The following EIPR1 variants were observed in gnomAD, a reference collection of about 807,000 sequenced individuals.
EIPR1 encodes the protein EARP and GARP complex-interacting protein 1.
EIPR1 carries 25 observed loss-of-function variants against 48.1 expected under a neutral mutation model. The ratio of observed to expected loss-of-function variants is 0.52; its 90% CI spans 0.38 to 0.73. The LOEUF is 0.73. Among genes scored for constraint, EIPR1 ranks in the 30% least tolerant of loss-of-function variants. The pLI is 0.00. For missense variants in EIPR1, 415 were observed against 506.2 expected, an observed-to-expected ratio of 0.82 and a Z score of 1.73; for synonymous variants, 204 against 201.9, an observed-to-expected ratio of 1.01 and a Z score of -0.09.
intron 4 of EIPR1, among the ~76,000 whole-genome samples, chr2:3,242,616 G>C (rs905967681): frequency 6.6e-6 from 1 of 152,232 alleles, no homozygotes; most frequent in African/African-American, 2.4e-5. Flanking sequence ...TTCAGATGGC[G>C]TGGAAGCTTG....
At chr2:3,262,705 G>A (rs1441273202) in intron 3 of EIPR1, among the ~76,000 whole-genome samples, 1 of 152,176 alleles carries the variant, frequency 6.6e-6, no homozygotes, top group Non-Finnish European at 1.5e-5. Flanking sequence ...TGGTCCCGGG[G>A]TTCTGGAGCA....
chr2:3,294,927 CAT>C (rs1668497330), intron 3 of EIPR1, among the ~76,000 whole-genome samples: 1 of 115,842 alleles, frequency 8.6e-6, no homozygotes, highest in Non-Finnish European at 1.8e-5. Flanking sequence ...ACACACCCGC[CAT>C]CCAGCCCATC....
At chr2:3,264,540 G>A (rs1667429559) in intron 3 of EIPR1, among the ~76,000 whole-genome samples, 1 of 152,200 alleles carries the variant, frequency 6.6e-6, no homozygotes, top group African/African-American at 2.4e-5. Context: ...GGGGCCAGAG[G>A]AGGCTTCCTC....
At position 3,208,859 on chromosome 2, in the gene EIPR1, C is replaced by T. The variant is rs183879135; in HGVS notation, c.516+5290G>A. ...GGTGTCTGGGGCCATCCCTGTTCCC[C>T]GACTCCAGTGTTCCTCTTCCCCACA... is the stretch of plus-strand genomic sequence containing the variant. On this transcript the variant is annotated intron_variant, in intron 5 of 8. Coordinates refer to ENST00000382125, the MANE Select transcript of EIPR1 (RefSeq NM_003310.5). The T allele has an allele frequency of 1.9e-3, 2,935 of 1,549,946 alleles. 1 individual carries two copies. Among genetic ancestry groups the T allele is most frequent in the Non-Finnish European group, 2.4e-3 (2,696 of 1,146,808 alleles).
At chr2:3,245,674 C>A (rs1666774008) in intron 4 of EIPR1, among the ~76,000 whole-genome samples, 1 of 152,232 alleles carries the variant, frequency 6.6e-6, no homozygotes, top group Non-Finnish European at 1.5e-5. Flanking sequence ...GCTCAGGAGC[C>A]AGTAACCAGG....
chr2:3,331,177 G>A lies in EIPR1; in HGVS notation c.259+6840C>T, dbSNP rs1402199040. On this transcript the variant is annotated intron_variant, in intron 3 of 8. Transcript: ENST00000382125. ...CATGAGATGGTGTGAGCAGAGGCAGGTGTACACTCATATGGTGTGAGCAGA... is the reference window on the plus strand; with the variant it reads ...CATGAGATGGTGTGAGCAGAGGCAGATGTACACTCATATGGTGTGAGCAGA... Among the ~76,000 whole-genome samples the A allele has an allele frequency of 5.1e-5, 6 of 117,564 alleles. 1 individual carries two copies. The highest frequency in any genetic ancestry group is 8.9e-5 in the Non-Finnish European group (5 of 56,336). 77.1% of individuals were successfully genotyped at this position (117,564 alleles called of 152,430 possible).
chr2:3,248,845 C>G (rs1442760924), intron 4 of EIPR1, among the ~76,000 whole-genome samples: 2 of 152,156 alleles, frequency 1.3e-5, no homozygotes, highest in Non-Finnish European at 2.9e-5. Context: ...CTATTCTCAC[C>G]ATGTGATGCA....
intron 3 of EIPR1, among the ~76,000 whole-genome samples, chr2:3,279,575 G>T (rs1667957871): frequency 6.6e-6 from 1 of 152,200 alleles, no homozygotes; most frequent in South Asian, 2.1e-4. Flanking sequence ...CTCTTCTGGG[G>T]ATTTTTAAAA....
chr2:3,318,984 T>C (rs753129408), intron 3 of EIPR1: 3 of 470,508 alleles, frequency 6.4e-6, no homozygotes, highest in African/African-American at 2.0e-5. Flanking sequence ...GGAATTCAGA[T>C]ACTTGGAACT....
At chr2:3,217,784 T>C (rs182428962) in intron 4 of EIPR1, among the ~76,000 whole-genome samples, 157 of 152,228 alleles carry the variant, frequency 1.0e-3, no homozygotes, top group African/African-American at 3.6e-3. Flanking sequence ...ACCAGTCTGA[T>C]ATACCACTTC....
At chr2:3,246,909 G>GAGGGAAGGATGA (rs1666830865) in intron 4 of EIPR1, among the ~76,000 whole-genome samples, 1 of 92,512 alleles carries the variant, frequency 1.1e-5, no homozygotes, top group African/African-American at 4.4e-5. Flanking sequence ...AGGAGGGAGA[G>GAGGGAAGGATGA]AGGGAGGGAG....
chr2:3,334,253 G>A lies in EIPR1; in HGVS notation c.259+3764C>T, dbSNP rs116471710. Reference sequence around the variant, plus strand: ...GACAAAGAGGATAAATTGCAACTCTGATCTTTACAAAGAGATTTGTTATAA... The same window carrying A: ...GACAAAGAGGATAAATTGCAACTCTAATCTTTACAAAGAGATTTGTTATAA... On this transcript the variant is annotated intron_variant, in intron 3 of 8. Coordinates refer to ENST00000382125, the MANE Select transcript of EIPR1 (RefSeq NM_003310.5). Among the ~76,000 whole-genome samples the A allele has an allele frequency of 7.3e-3, 1,105 of 152,332 alleles. 13 individuals carry two copies. Among genetic ancestry groups the A allele is most frequent in the African/African-American group, 0.026 (1,064 of 41,566 alleles).
intron 3 of EIPR1, among the ~76,000 whole-genome samples, chr2:3,322,547 G>C (rs186848132): frequency 6.6e-6 from 1 of 152,142 alleles, no homozygotes; most frequent in East Asian, 1.9e-4. Context: ...GCAAAATCAC[G>C]GCAAAACTTA....
chr2:3,225,082 T>C (rs1478902280), intron 4 of EIPR1, among the ~76,000 whole-genome samples: 1 of 152,246 alleles, frequency 6.6e-6, no homozygotes, highest in East Asian at 1.9e-4. Context: ...GAAGTCATTA[T>C]GTAAAACTAT....
chr2:3,298,776 A>G (rs1668675101), intron 3 of EIPR1, among the ~76,000 whole-genome samples: 1 of 152,036 alleles, frequency 6.6e-6, no homozygotes, highest in African/African-American at 2.4e-5. Flanking sequence ...CCCCAACCAC[A>G]CTCTATCCAA....
At chr2:3,210,624 A>C (rs13027846) in intron 5 of EIPR1, among the ~76,000 whole-genome samples, 132,924 of 143,756 alleles carry the variant, frequency 0.92, 61,661 homozygotes, top group East Asian at 0.98. Context: ...TTACCTCCCA[A>C]TTCTTTTTTT....
chr2:3,297,480 A>C (rs1039548602), intron 3 of EIPR1, among the ~76,000 whole-genome samples: 1 of 152,234 alleles, frequency 6.6e-6, no homozygotes, highest in Non-Finnish European at 1.5e-5. Context: ...TCTACAACGG[A>C]GTTCAACCAG....
intron 1 of EIPR1, among the ~76,000 whole-genome samples, chr2:3,356,723 A>C (rs917068243): frequency 2.6e-5 from 4 of 152,240 alleles, no homozygotes; most frequent in Non-Finnish European, 5.9e-5. Context: ...GAAATCAGAA[A>C]ACCTTCCCTG....
intron 4 of EIPR1, among the ~76,000 whole-genome samples, chr2:3,246,787 CGGAG>C (rs1356843846): frequency 1.9e-5 from 1 of 51,378 alleles, no homozygotes; most frequent in Non-Finnish European, 3.7e-5. Flanking sequence ...AAGGGAGAAA[CGGAG>C]GGAGGGAGGG....
Sources: gnomAD v4.1 joint callset for allele counts (sites outside exome capture counted in the v4.1 genomes callset) on GRCh38, gnomAD v4.1.1 for gene constraint, MANE v1.5 for transcripts, NCBI Gene and HGNC (gene_info 2026-07-23, HGNC 2026-07-21) for gene names.